The following ASZ1 variants were observed in gnomAD, a reference collection of about 807,000 sequenced individuals.
ASZ1 encodes ankyrin repeat, SAM and basic leucine zipper domain containing 1, also known as ankyrin repeat, SAM and basic leucine zipper domain-containing protein 1.
Under a neutral mutation model 61.8 loss-of-function variants are expected in ASZ1, and 67 were observed. The observed-to-expected ratio is 1.08, with a 90% CI of 0.89 to 1.33. The LOEUF is 1.33. Ranked by LOEUF, ASZ1 falls within the 40% of genes most tolerant of loss-of-function variation. The pLI, the probability that ASZ1 is intolerant of heterozygous loss-of-function variation, is 0.00. For synonymous variants in ASZ1, 193 were observed against 192.7 expected (o/e 1.00, Z -0.01); for missense variants, 577 against 554.5 (o/e 1.04, Z -0.41).
chr7:117,412,661 G>A lies in ASZ1; in HGVS notation c.440+7502C>T, dbSNP rs543742147. Among the ~76,000 whole-genome samples the A allele has an allele frequency of 7.3e-4, 111 of 151,720 alleles. 1 individual carries two copies. Among genetic ancestry groups the A allele is most frequent in the African/African-American group, 2.4e-3 (98 of 41,428 alleles). Reference sequence around the variant, plus strand: ...TTCTGCCTTATCAATGGTAATAAAAGCATCTATTTAAATTAAAATGCCACA... The same window carrying A: ...TTCTGCCTTATCAATGGTAATAAAAACATCTATTTAAATTAAAATGCCACA... On this transcript the variant is annotated intron_variant, in intron 4 of 12. Transcript: ENST00000284629.
intron 4 of ASZ1, among the ~76,000 whole-genome samples, chr7:117,402,898 G>A (rs552795489): frequency 8.5e-5 from 13 of 152,092 alleles, no homozygotes; most frequent in Admixed American, 4.6e-4. Context: ...ACGGCAAGGT[G>A]GGGACTAGCA....
Position 117,383,074 on chromosome 7 carries a change from CCAA to C in ASZ1, c.721_723del (p.Leu241del). ...TTAGTTAGCTGTTGAAGTTTTCCTT[CCAA>C]TGGATTTAAAGTAAAAGAAAGTAAG... is the stretch of plus-strand genomic sequence containing the variant. On this transcript the variant is annotated inframe_deletion, in exon 7 of 13. Coordinates refer to ENST00000284629, the MANE Select transcript of ASZ1 (RefSeq NM_130768.3). 1 of 1,578,042 alleles carries C rather than the reference CCAA, an allele frequency of 6.3e-7. No homozygotes were observed. Among genetic ancestry groups the C allele is most frequent in the Non-Finnish European group, 8.6e-7 (1 of 1,164,612 alleles).
intron 4 of ASZ1, among the ~76,000 whole-genome samples, chr7:117,409,388 A>T (rs1796851721): frequency 6.6e-6 from 1 of 151,912 alleles, no homozygotes; most frequent in African/African-American, 2.4e-5. Context: ...CAAAAAAGAA[A>T]TCTGCTTTAA....
intron 4 of ASZ1, among the ~76,000 whole-genome samples, chr7:117,390,774 G>C (rs1349736284): frequency 1.3e-5 from 2 of 152,068 alleles, no homozygotes; most frequent in Admixed American, 6.5e-5. Context: ...CACAATCTTG[G>C]CTCACTGCAA....
Position 117,416,716 on chromosome 7 carries a change from C to T in ASZ1, c.440+3447G>A, listed in dbSNP as rs528670475. On this transcript the variant is annotated intron_variant, in intron 4 of 12. Transcript: ENST00000284629. ...ACACAAATGTATGCATTTATCAAAA[C>T]TGATCCAACTGTACACTGAAAATCT... is the stretch of plus-strand genomic sequence containing the variant. 2.6e-5 allele frequency among the ~76,000 whole-genome samples: 4 copies of T among 152,266 alleles called. No homozygotes were observed. In the East Asian group the frequency reaches 7.7e-4, roughly 29 times the overall value.
At chr7:117,416,186 AAAATAAAT>A (rs958258272) in intron 4 of ASZ1, among the ~76,000 whole-genome samples, 11 of 152,070 alleles carry the variant, frequency 7.2e-5, no homozygotes, top group Non-Finnish European at 1.2e-4. Flanking sequence ...ACTCCATCTC[AAAATAAAT>A]AAATAAATAA....
intron 4 of ASZ1, among the ~76,000 whole-genome samples, chr7:117,395,193 T>C (rs1796554066): frequency 6.6e-6 from 1 of 152,200 alleles, no homozygotes; most frequent in South Asian, 2.1e-4. Context: ...AGCGACTCTT[T>C]TTCCATTCCA....
intron 12 of ASZ1, among the ~76,000 whole-genome samples, chr7:117,366,823 T>G (rs895272281): frequency 3.3e-5 from 5 of 152,202 alleles, no homozygotes; most frequent in African/African-American, 1.2e-4. Context: ...ATTTTATCTG[T>G]ACATTTACAT....
intron 2 of ASZ1, among the ~76,000 whole-genome samples, chr7:117,426,202 C>A: frequency 6.6e-6 from 1 of 151,754 alleles, no homozygotes; most frequent in Non-Finnish European, 1.5e-5. Context: ...ATACAACAGG[C>A]AGGGCACGGT....
chr7:117,372,366 A>G (rs1382704411), intron 10 of ASZ1, among the ~76,000 whole-genome samples: 1 of 152,170 alleles, frequency 6.6e-6, no homozygotes, highest in Non-Finnish European at 1.5e-5. Context: ...TTTGAACAGA[A>G]GCTTCAAGAG....
rs376185531 is a variant in ASZ1, at chr7:117,404,255, C to G, written c.440+15908G>C. On this transcript the variant is annotated intron_variant, in intron 4 of 12. Transcript: ENST00000284629. ...CTGTGGGAGGGGTGGTGGGCTGAACCTGAGGCTCCTTAGTGAAGTGCTGCT... is the reference window on the plus strand; with the variant it reads ...CTGTGGGAGGGGTGGTGGGCTGAACGTGAGGCTCCTTAGTGAAGTGCTGCT... 1.3e-4 allele frequency among the ~76,000 whole-genome samples: 20 copies of G among 151,878 alleles called. No homozygotes were observed. In the East Asian group the frequency reaches 3.1e-3, roughly 24 times the overall value.
chr7:117,414,154 G>C (rs1052292710), intron 4 of ASZ1, among the ~76,000 whole-genome samples: 1 of 152,144 alleles, frequency 6.6e-6, no homozygotes, highest in African/African-American at 2.4e-5. Flanking sequence ...AGAAACGATA[G>C]ATGAGAGATT....
At chr7:117,421,593 G>C (rs1305776787) in intron 3 of ASZ1, among the ~76,000 whole-genome samples, 2 of 151,972 alleles carry the variant, frequency 1.3e-5, no homozygotes, top group East Asian at 3.8e-4. Flanking sequence ...CTGTTGCTAA[G>C]ACAGAAATTT....
At chr7:117,382,779 T>C (rs1796279167) in intron 7 of ASZ1, among the ~76,000 whole-genome samples, 1 of 152,110 alleles carries the variant, frequency 6.6e-6, no homozygotes, top group Non-Finnish European at 1.5e-5. Flanking sequence ...AAAGTTTACA[T>C]TTAAAGTTAT....
chr7:117,400,171 C>T (rs1468419529), intron 4 of ASZ1, among the ~76,000 whole-genome samples: 1 of 152,096 alleles, frequency 6.6e-6, no homozygotes, highest in African/African-American at 2.4e-5. Context: ...TTTTAATCTG[C>T]TTAATACACT....
intron 10 of ASZ1, among the ~76,000 whole-genome samples, chr7:117,370,151 C>T (rs138229856): frequency 6.6e-5 from 10 of 152,190 alleles, no homozygotes; most frequent in Admixed American, 2.0e-4. Context: ...AATTCAGAGT[C>T]GGTGAACCTC....
At chr7:117,423,689 CAAA>C (rs60144830) in intron 2 of ASZ1, among the ~76,000 whole-genome samples, 6 of 76,484 alleles carry the variant, frequency 7.8e-5, no homozygotes, top group African/African-American at 3.4e-4. Context: ...ACTAAAAATA[CAAA>C]AAAAAAAAAA....
chr7:117,420,096 T>A, intron 4 of ASZ1, 67 bp downstream of exon 4: 1 of 1,175,816 alleles, frequency 8.5e-7, no homozygotes, highest in Non-Finnish European at 1.2e-6. Context: ...TCATGATTTT[T>A]AAAAGGCTGA....
At chr7:117,412,040 G>GTGTGTATGTA (rs776740892) in intron 4 of ASZ1, among the ~76,000 whole-genome samples, 4,743 of 72,878 alleles carry the variant, frequency 0.065, 133 homozygotes, top group East Asian at 0.34. Flanking sequence ...GTGAAAAGAA[G>GTGTGTATGTA]TGTGTGTGTG....
Sources: gnomAD v4.1 joint callset for allele counts (sites outside exome capture counted in the v4.1 genomes callset) on GRCh38, gnomAD v4.1.1 for gene constraint, MANE v1.5 for transcripts, NCBI Gene and HGNC (gene_info 2026-07-23, HGNC 2026-07-21) for gene names.